Variants in BMP6 observed in about 807,000 individuals in gnomAD.
The protein encoded by BMP6 is bone morphogenetic protein 6, also known as VG-1-R.
Under a neutral mutation model 54.1 loss-of-function variants are expected in BMP6, and 17 were observed. The observed-to-expected ratio is 0.31, with a 90% CI of 0.22 to 0.47. The LOEUF (loss-of-function observed/expected upper bound fraction) is 0.47. Among genes scored for constraint, BMP6 ranks in the 20% least tolerant of loss-of-function variants. The pLI is 1.00. For missense variants in BMP6, 720 were observed against 690.4 expected, an observed-to-expected ratio of 1.04 and a Z score of -0.48; for synonymous variants, 328 against 291.2, an observed-to-expected ratio of 1.13 and a Z score of -1.28.
At chr6:7,756,128 G>A (rs118091726) in intron 1 of BMP6, among the ~76,000 whole-genome samples, 10 of 151,806 alleles carry the variant, frequency 6.6e-5, no homozygotes, top group Non-Finnish European at 1.3e-4. Context: ...TTCCTCTTTC[G>A]TCACCTCCTT....
intron 1 of BMP6, among the ~76,000 whole-genome samples, chr6:7,782,591 T>C (rs904982350): frequency 2.6e-5 from 4 of 152,042 alleles, no homozygotes; most frequent in African/African-American, 9.7e-5. Flanking sequence ...ACGCCTGCAG[T>C]CCCAGCTACC....
intron 1 of BMP6, among the ~76,000 whole-genome samples, chr6:7,808,162 T>A (rs372394496): frequency 6.6e-6 from 1 of 151,614 alleles, no homozygotes; most frequent in Non-Finnish European, 1.5e-5. Context: ...CCTTGTGATC[T>A]GCCCACCTCG....
intron 2 of BMP6, among the ~76,000 whole-genome samples, chr6:7,855,203 C>T (rs1202269447): frequency 2.0e-5 from 3 of 152,198 alleles, no homozygotes; most frequent in African/African-American, 4.8e-5. Flanking sequence ...ACAAAACAGG[C>T]ACAGGTAGTC....
intron 1 of BMP6, among the ~76,000 whole-genome samples, chr6:7,815,940 A>G (rs1758519090): frequency 6.6e-6 from 1 of 152,176 alleles, no homozygotes; most frequent in Non-Finnish European, 1.5e-5. Flanking sequence ...CTGGCTGGAA[A>G]CCAAATGGTT....
intron 1 of BMP6, among the ~76,000 whole-genome samples, chr6:7,834,135 A>C (rs1028986870): frequency 4.0e-5 from 6 of 151,638 alleles, no homozygotes; most frequent in African/African-American, 1.5e-4. Context: ...GGGACTGTCA[A>C]AGGGAGAGAA....
intron 2 of BMP6, 32 bp downstream of exon 2, chr6:7,845,364 G>T (rs1188733993): frequency 6.3e-7 from 1 of 1,578,272 alleles, no homozygotes; most frequent in African/African-American, 1.4e-5. Flanking sequence ...CCAAAGGTGG[G>T]GCTGGCCCCT....
At chr6:7,744,203 A>G (rs1757312566) in intron 1 of BMP6, among the ~76,000 whole-genome samples, 1 of 152,208 alleles carries the variant, frequency 6.6e-6, no homozygotes, top group African/African-American at 2.4e-5. Flanking sequence ...AGTTGCAGAC[A>G]TCACCGGACA....
At chr6:7,852,389 A>G (rs1759157347) in intron 2 of BMP6, among the ~76,000 whole-genome samples, 1 of 152,212 alleles carries the variant, frequency 6.6e-6, no homozygotes, top group Non-Finnish European at 1.5e-5. Flanking sequence ...CCTGGGAAAC[A>G]TAAAGAGACC....
intron 1 of BMP6, among the ~76,000 whole-genome samples, chr6:7,810,829 G>GCCAA (rs1758425271): frequency 6.6e-6 from 1 of 152,136 alleles, no homozygotes; most frequent in Non-Finnish European, 1.5e-5. Context: ...TGCTACCTAG[G>GCCAA]CCAACACTGA....
intron 1 of BMP6, among the ~76,000 whole-genome samples, chr6:7,760,570 A>G (rs270380): frequency 0.8 from 121,097 of 152,078 alleles, 48,490 homozygotes; most frequent in African/African-American, 0.82. Flanking sequence ...GGGTTCCAGC[A>G]ATTCTCCCTG....
At chr6:7,847,442 T>C (rs1453888048) in intron 2 of BMP6, among the ~76,000 whole-genome samples, 1 of 152,166 alleles carries the variant, frequency 6.6e-6, no homozygotes, top group Admixed American at 6.5e-5. Flanking sequence ...AGGACTCCTT[T>C]CGGGGGAAGG....
At chr6:7,778,741 T>C (rs1373205285) in intron 1 of BMP6, among the ~76,000 whole-genome samples, 1 of 152,190 alleles carries the variant, frequency 6.6e-6, no homozygotes, top group Non-Finnish European at 1.5e-5. Context: ...CTTCTGAAAG[T>C]CACTAAATGA....
rs76987205 is a variant in BMP6, at chr6:7,793,899, T to C, written c.665-51241T>C. Among the ~76,000 whole-genome samples, 658 of 152,310 alleles carry C rather than the reference T, an allele frequency of 4.3e-3. 4 individuals are homozygous for C. The highest frequency in any genetic ancestry group is 0.015 in the African/African-American group (636 of 41,570). On this transcript the variant is annotated intron_variant, in intron 1 of 6. Transcript: ENST00000283147. ...CAACCCTGATGCCTGCTGATGTGTC[T>C]GTGTTTCTGCCTGAGCCCCAGCCAC... is the stretch of plus-strand genomic sequence containing the variant.
At position 7,806,481 on chromosome 6, in the gene BMP6, T is replaced by C. The variant is rs549721091; in HGVS notation, c.665-38659T>C. 8.5e-5 allele frequency among the ~76,000 whole-genome samples: 13 copies of C among 152,368 alleles called. No homozygotes were observed. In the South Asian group the frequency reaches 2.7e-3, roughly 32 times the overall value. On this transcript the variant is annotated intron_variant, in intron 1 of 6. Coordinates refer to ENST00000283147, the MANE Select transcript of BMP6 (RefSeq NM_001718.6). ...CTTTTTCTTCCCCTACCTGAAATTT[T>C]GACTTACATGTGTATGGCTTTTGTA...
chr6:7,727,272 C>G lies in BMP6; in HGVS notation c.317C>G (p.Ala106Gly). 6.2e-7 allele frequency: 1 copy of G among 1,605,538 alleles called. No individual in the cohort carries two copies. The highest frequency in any genetic ancestry group is 1.7e-4 in the Middle Eastern group (1 of 5,976). The change falls in exon 1 of 7, where the codon GCG becomes GGG. Residue 106 changes from alanine to glycine, a missense_variant. By Grantham distance (60) the Ala-to-Gly change is moderately conservative. Around this residue, in one of 3 missense-constraint regions of BMP6, gnomAD observed 650 missense variants for 556.3 expected, o/e 1.17. Transcript: ENST00000283147. ...GGCCTCCAACAGCCGCAGCCCCCGG[C>G]GCTCCGGCAGCAGGAGGAGCAGCAG... ...LHGLQQPQPP[A>G]LRQQEEQQQQ...
chr6:7,845,221 A>T lies in BMP6; in HGVS notation c.746A>T (p.Glu249Val). 1 of 1,614,148 alleles carries T rather than the reference A, an allele frequency of 6.2e-7. No homozygotes were observed. The highest frequency in any genetic ancestry group is 8.5e-7 in the Non-Finnish European group (1 of 1,179,986). ...AACTTATCCCAGATTCCTGAGGGTG[A>T]GGTGGTGACGGCTGCAGAATTCCGC... Reference protein sequence around the residue: ...KFNLSQIPEGEVVTAAEFRIY... With the variant: ...KFNLSQIPEGVVVTAAEFRIY... Residue 249 changes from glutamate to valine, a missense_variant, in exon 2 of 7, where the codon GAG becomes GTG. Physicochemically the swap from Glu to Val is moderately radical, Grantham distance 121 (BLOSUM62 -2). Transcript: ENST00000283147.
intron 1 of BMP6, among the ~76,000 whole-genome samples, chr6:7,780,690 A>C (rs988633234): frequency 2.1e-5 from 3 of 145,770 alleles, no homozygotes; most frequent in African/African-American, 7.5e-5. Context: ...GACACAGACA[A>C]TTCTATTTTT....
chr6:7,820,633 T>G (rs1758591705), intron 1 of BMP6, among the ~76,000 whole-genome samples: 1 of 152,142 alleles, frequency 6.6e-6, no homozygotes, highest in Admixed American at 6.5e-5. Context: ...AGCTGCTCAT[T>G]CCCCGAGGCA....
At chr6:7,779,879 C>T (rs944731152) in intron 1 of BMP6, among the ~76,000 whole-genome samples, 4 of 152,092 alleles carry the variant, frequency 2.6e-5, no homozygotes, top group African/African-American at 9.7e-5. Context: ...TTTCCTGGTA[C>T]CTCCTTGGGG....
Sources: gnomAD v4.1 joint callset for allele counts (sites outside exome capture counted in the v4.1 genomes callset) on GRCh38, gnomAD v4.1.1 for gene constraint, gnomAD v4.1.1 regional missense constraint, MANE v1.5 for transcripts, NCBI Gene and HGNC (gene_info 2026-07-23, HGNC 2026-07-21) for gene names.